The following CNTN4 variants were observed in gnomAD, a reference collection of about 807,000 sequenced individuals.
CNTN4 encodes the protein contactin 4, also known as contactin-4.
CNTN4 carries 77 observed loss-of-function variants against 122.5 expected under a neutral mutation model. That is an observed-to-expected ratio of 0.63 (90% CI 0.52 to 0.76). CNTN4 has a LOEUF of 0.76. CNTN4 is among the 30% of genes least tolerant of loss of function. The pLI, the probability that CNTN4 is intolerant of heterozygous loss-of-function variation, is 0.00. For synonymous variants in CNTN4, 512 were observed against 447.0 expected (o/e 1.15, Z -1.83); for missense variants, 1,256 against 1,259.1 (o/e 1.00, Z 0.04).
chr3:2,866,214 G>A (rs1337767835), intron 7 of CNTN4, among the ~76,000 whole-genome samples: 4 of 152,116 alleles, frequency 2.6e-5, no homozygotes, highest in Non-Finnish European at 5.9e-5. Flanking sequence ...ATTTGAATAA[G>A]TTACTCTGTT....
intron 14 of CNTN4, among the ~76,000 whole-genome samples, chr3:3,024,660 T>C (rs1340579085): frequency 1.3e-5 from 2 of 152,192 alleles, no homozygotes; most frequent in Non-Finnish European, 2.9e-5. Flanking sequence ...ACTACTAGAT[T>C]ATAACCTATT....
chr3:2,463,857 A>T (rs2075405099), intron 3 of CNTN4, among the ~76,000 whole-genome samples: 1 of 152,196 alleles, frequency 6.6e-6, no homozygotes, highest in South Asian at 2.1e-4. Flanking sequence ...GTACTACGGT[A>T]TGATATGTCA....
chr3:2,831,239 T>C (rs1289534993), intron 7 of CNTN4, among the ~76,000 whole-genome samples: 1 of 152,188 alleles, frequency 6.6e-6, no homozygotes, highest in African/African-American at 2.4e-5. Context: ...AAAATACTGA[T>C]TTAAGAGGAA....
chr3:2,466,214 A>C (rs2075491019), intron 3 of CNTN4, among the ~76,000 whole-genome samples: 1 of 152,240 alleles, frequency 6.6e-6, no homozygotes. Context: ...TAGGGCCATT[A>C]GAATTTTAAG....
chr3:2,303,486 A>G (rs1047827443), intron 2 of CNTN4, among the ~76,000 whole-genome samples: 2 of 152,158 alleles, frequency 1.3e-5, no homozygotes, highest in African/African-American at 2.4e-5. Flanking sequence ...CACTTAGTCT[A>G]TTGGTTTTTA....
rs552537013 is a variant in CNTN4 at position 2,548,160 on chromosome 3, C to T, written c.-88-23256C>T. ...CCTTGATGATAGTTTCATTGCTGTGCGGAAGCTCTTTACTGTAATTAGATC... is the reference window on the plus strand; with the variant it reads ...CCTTGATGATAGTTTCATTGCTGTGTGGAAGCTCTTTACTGTAATTAGATC... On this transcript the variant is annotated intron_variant, in intron 3 of 24. Transcript: ENST00000418658. Among the ~76,000 whole-genome samples, 28 of 152,220 alleles carry T rather than the reference C, an allele frequency of 1.8e-4. No homozygotes were observed. The South Asian group carries it at 2.1e-3, about 11-fold the overall frequency.
intron 4 of CNTN4, among the ~76,000 whole-genome samples, chr3:2,645,315 G>T (rs1040321080): frequency 6.6e-6 from 1 of 152,056 alleles, no homozygotes; most frequent in Non-Finnish European, 1.5e-5. Flanking sequence ...TTGTAAAGAG[G>T]TTCTTCTGAC....
chr3:2,589,986 C>T (rs1447784074), intron 4 of CNTN4, among the ~76,000 whole-genome samples: 1 of 152,154 alleles, frequency 6.6e-6, no homozygotes, highest in Non-Finnish European at 1.5e-5. Context: ...GCCCCACACT[C>T]AAGGGAAGGG....
At chr3:2,988,324 G>A (rs746996477) in intron 13 of CNTN4, 21 bp from the exon 14 acceptor site, 3 of 1,612,212 alleles carry the variant, frequency 1.9e-6, no homozygotes, top group South Asian at 1.1e-5. Context: ...ACCATTTTTG[G>A]TTCATTTACT....
At chr3:2,623,430 T>C (rs1039312157) in intron 4 of CNTN4, among the ~76,000 whole-genome samples, 2 of 152,140 alleles carry the variant, frequency 1.3e-5, no homozygotes, top group Non-Finnish European at 2.9e-5. Flanking sequence ...CACAGCAGTT[T>C]TACCTAGGCT....
At chr3:2,818,306 G>C (rs1192420221) in intron 6 of CNTN4, among the ~76,000 whole-genome samples, 1 of 152,184 alleles carries the variant, frequency 6.6e-6, no homozygotes. Flanking sequence ...AATATCCTTA[G>C]CACTCCTTGA....
chr3:2,266,255 T>C (rs2041043239), intron 2 of CNTN4, among the ~76,000 whole-genome samples: 1 of 152,104 alleles, frequency 6.6e-6, no homozygotes, highest in Admixed American at 6.6e-5. Flanking sequence ...CCCATTTTGT[T>C]GACAGTTTTC....
intron 7 of CNTN4, among the ~76,000 whole-genome samples, chr3:2,823,769 C>T (rs1317840852): frequency 6.6e-6 from 1 of 152,142 alleles, no homozygotes; most frequent in East Asian, 1.9e-4. Flanking sequence ...GTTTATTCCT[C>T]AATAAAATCC....
In CNTN4 at chr3:2,406,633, G is replaced by A. The variant is rs193109794; in HGVS notation, c.-89+67400G>A. ...TATAAAGTAATTTTTTTTAAGTCTGGCTCTCTCATTAAATAGCTTTGTAAT... is the reference window on the plus strand; with the variant it reads ...TATAAAGTAATTTTTTTTAAGTCTGACTCTCTCATTAAATAGCTTTGTAAT... On this transcript the variant is annotated intron_variant, in intron 3 of 24. Transcript: ENST00000418658. 1.7e-3 allele frequency among the ~76,000 whole-genome samples: 252 copies of A among 152,036 alleles called. 1 individual carries two copies. The highest frequency in any genetic ancestry group is 5.7e-3 in the African/African-American group (236 of 41,484).
At chr3:2,953,408 C>T (rs1030395823) in intron 13 of CNTN4, among the ~76,000 whole-genome samples, 1 of 151,928 alleles carries the variant, frequency 6.6e-6, no homozygotes, top group Non-Finnish European at 1.5e-5. Context: ...TTTCACTTGG[C>T]ATCCAGGACC....
At chr3:2,925,870 A>T in intron 13 of CNTN4, 91 bp downstream of exon 13, 1 of 1,108,410 alleles carries the variant, frequency 9.0e-7, no homozygotes, top group Non-Finnish European at 1.4e-6. Context: ...TGGGGTGACT[A>T]TCTGCTGTTC....
intron 6 of CNTN4, among the ~76,000 whole-genome samples, chr3:2,766,255 T>A (rs1052929281): frequency 3.9e-5 from 6 of 152,220 alleles, no homozygotes; most frequent in Non-Finnish European, 8.8e-5. Flanking sequence ...TCTATAAGTC[T>A]ACCTTTTGCT....
In CNTN4 at chr3:2,400,992, T is replaced by C. The variant is rs78162827; in HGVS notation, c.-89+61759T>C. 2.1e-3 allele frequency among the ~76,000 whole-genome samples: 322 copies of C among 152,164 alleles called. 4 individuals carry two copies. Among genetic ancestry groups the C allele is most frequent in the Admixed American group, 0.019 (290 of 15,242 alleles). On this transcript the variant is annotated intron_variant, in intron 3 of 24. Coordinates refer to ENST00000418658, the MANE Select transcript of CNTN4 (RefSeq NM_175607.3). ...TATTGGGAAATTAGCACATTACTTA[T>C]TTTTACACATAAATAATCACTTCAT...
At chr3:2,220,792 T>G (rs973218951) in intron 2 of CNTN4, among the ~76,000 whole-genome samples, 2 of 152,144 alleles carry the variant, frequency 1.3e-5, no homozygotes, top group African/African-American at 4.8e-5. Flanking sequence ...TAGTAATAAC[T>G]GTTACTATTG....
Sources: allele counts gnomAD v4.1 joint callset (sites outside exome capture counted in the v4.1 genomes callset), GRCh38; gene constraint gnomAD v4.1.1; transcripts MANE v1.5; gene names NCBI Gene and HGNC (gene_info 2026-07-23, HGNC 2026-07-21).